Variants in CCDC117 observed in about 807,000 individuals in gnomAD.
CCDC117 encodes coiled-coil domain-containing protein 117.
CCDC117 carries 1 observed loss-of-function variant against 23.5 expected under a neutral mutation model. The ratio of observed to expected loss-of-function variants is 0.04; its 90% CI spans 0.02 to 0.20. CCDC117 has a LOEUF of 0.20. Ranked by LOEUF, CCDC117 falls within the 10% of genes least tolerant of loss-of-function variation. CCDC117 has a pLI of 1.00. For missense variants in CCDC117, 383 were observed against 348.2 expected, an observed-to-expected ratio of 1.10 and a Z score of -0.80; for synonymous variants, 132 against 124.8, an observed-to-expected ratio of 1.06 and a Z score of -0.39.
intron 3 of CCDC117, among the ~76,000 whole-genome samples, chr22:28,782,546 C>G (rs2031380858): frequency 6.6e-6 from 1 of 152,164 alleles, no homozygotes; most frequent in South Asian, 2.1e-4. Context: ...TCAGGCGATT[C>G]TCCTGCCTCA....
At chr22:28,784,390 T>C (rs1188954376) in intron 4 of CCDC117, among the ~76,000 whole-genome samples, 1 of 152,264 alleles carries the variant, frequency 6.6e-6, no homozygotes, top group East Asian at 1.9e-4. Context: ...AAATTGTCAT[T>C]ATTCACTATG....
chr22:28,775,903 A>C lies in CCDC117; in HGVS notation c.239+2125A>C, dbSNP rs778832458. 3.9e-4 allele frequency among the ~76,000 whole-genome samples: 59 copies of C among 152,282 alleles called. 1 individual carries two copies. In the Middle Eastern group the frequency reaches 0.01, roughly 26 times the overall value. ...CAAAGTGAGACTGTCCCAAAAAAAG[A>C]AAAGTAAAAAGGTTTCCCAAAGATA... On this transcript the variant is annotated intron_variant, in intron 2 of 4. Coordinates refer to ENST00000249064, the MANE Select transcript of CCDC117 (RefSeq NM_173510.4).
chr22:28,781,117 A>C lies in CCDC117; in HGVS notation c.409A>C (p.Thr137Pro), dbSNP rs757230364. 14 of 1,614,018 alleles carry C rather than the reference A, an allele frequency of 8.7e-6. No homozygotes were observed. The highest frequency in any genetic ancestry group is 5.0e-5 in the Admixed American group (3 of 59,960). The change falls in exon 3 of 5, where the codon ACT becomes CCT. Residue 137 changes from threonine (T) to proline (P), a missense_variant. Physicochemically the swap from Thr to Pro is conservative, Grantham distance 38 (BLOSUM62 -1). Coordinates refer to ENST00000249064, the MANE Select transcript of CCDC117 (RefSeq NM_173510.4). ...DVICEEMDQT[T>P]GEPQCEVARR... ...TATTTGTGAAGAAATGGATCAGACA[A>C]CTGGAGAACCACAGTGTGAAGTTGC... is the stretch of plus-strand genomic sequence containing the variant.
rs2031298896 is a variant in CCDC117, at chr22:28,781,009, A to T, written c.301A>T (p.Ile101Phe). The T allele has an allele frequency of 6.2e-7, 1 of 1,613,946 alleles. No individual in the cohort carries two copies. Among genetic ancestry groups the T allele is most frequent in the Non-Finnish European group, 8.5e-7 (1 of 1,180,010 alleles). The change falls in exon 3 of 5, where the codon ATT becomes TTT. Residue 101 changes from isoleucine (I) to phenylalanine (F), a missense_variant. By Grantham distance (21) the Ile-to-Phe change is conservative (BLOSUM62 0). Coordinates refer to ENST00000249064, the MANE Select transcript of CCDC117 (RefSeq NM_173510.4). ...AELCAGPNDW[I>F]LCAHQDVEGH... ...GCTCTGTGCTGGTCCTAATGACTGGATTCTTTGTGCACATCAGGATGTAGA... is the reference window on the plus strand; with the variant it reads ...GCTCTGTGCTGGTCCTAATGACTGGTTTCTTTGTGCACATCAGGATGTAGA...
In CCDC117 at chr22:28,788,605, T is replaced by G. The variant is rs949535491; in HGVS notation, c.*2279T>G. ...GTAGTCAAGTTACCTGACATGATAATTATTTCTGCAGGATAATTGATGTTT... is the reference window on the plus strand; with the variant it reads ...GTAGTCAAGTTACCTGACATGATAAGTATTTCTGCAGGATAATTGATGTTT... On this transcript the variant is annotated 3_prime_UTR_variant, in exon 5 of 5. Transcript: ENST00000249064. 6 of 152,678 alleles carry G rather than the reference T, an allele frequency of 3.9e-5. 1 individual carries two copies. The highest frequency in any genetic ancestry group is 8.8e-5 in the Non-Finnish European group (6 of 68,046). 9.5% of individuals were successfully genotyped at this position (152,678 alleles called of 1,614,324 possible).
At chr22:28,775,466 G>A (rs1353491791) in intron 2 of CCDC117, among the ~76,000 whole-genome samples, 2 of 152,152 alleles carry the variant, frequency 1.3e-5, no homozygotes, top group African/African-American at 4.8e-5. Flanking sequence ...CTTAAAGTGT[G>A]TGCATTTTAA....
intron 3 of CCDC117, 57 bp downstream of exon 3, chr22:28,781,229 C>T (rs1412737129): frequency 7.3e-6 from 7 of 960,004 alleles, no homozygotes; most frequent in Non-Finnish European, 1.1e-5. Context: ...TAACTCTGCT[C>T]ATATAAGCTA....
intron 2 of CCDC117, among the ~76,000 whole-genome samples, chr22:28,774,218 C>A (rs1022674325): frequency 4.0e-5 from 6 of 151,154 alleles, no homozygotes; most frequent in African/African-American, 1.5e-4. Context: ...CAGGCGCCCG[C>A]CACCACGCCT....
In CCDC117 at chr22:28,781,335, GTTTTTTTTTT is replaced by G. The variant is rs1179781447; in HGVS notation, c.464+187_464+196del. 6.9e-3 allele frequency among the ~76,000 whole-genome samples: 102 copies of G among 14,808 alleles called. 1 individual carries two copies. The highest frequency in any genetic ancestry group is 8.9e-3 in the Non-Finnish European group (90 of 10,096). The allele number at this position is 14,808 out of a possible 152,430, so 9.7% of individuals were successfully genotyped here. On this transcript the variant is annotated intron_variant, in intron 3 of 4. Coordinates refer to ENST00000249064, the MANE Select transcript of CCDC117 (RefSeq NM_173510.4). ...GTATTCGTTTTTGTTTTTTTGTTTT[GTTTTTTTTTT>G]TTTTTTTTTTTTTTTTTTTTTTTGA...
At position 28,773,775 on chromosome 22, in the gene CCDC117, A is replaced by T. The variant is rs765515000; in HGVS notation, c.236A>T (p.Asp79Val). 6.2e-7 allele frequency: 1 copy of T among 1,613,356 alleles called. No individual in the cohort carries two copies. The highest frequency in any genetic ancestry group is 8.5e-7 in the Non-Finnish European group (1 of 1,179,248). ...KKHKREEEED[D>V]DCPVRKKRIT... Reference sequence around the variant, plus strand: ...CACAAGCGAGAGGAGGAGGAGGATGATGAGTAAGTTTCAGTGGTTGTTTAT... The same window carrying T: ...CACAAGCGAGAGGAGGAGGAGGATGTTGAGTAAGTTTCAGTGGTTGTTTAT... Residue 79 changes from aspartate to valine, a missense_variant, in exon 2 of 5, where the codon GAT becomes GTT. By Grantham distance (152) the Asp-to-Val change is radical. Transcript: ENST00000249064.
At chr22:28,783,241 A>T (rs186322466) in intron 3 of CCDC117, among the ~76,000 whole-genome samples, 36 of 151,968 alleles carry the variant, frequency 2.4e-4, no homozygotes, top group Non-Finnish European at 5.9e-5. Context: ...GGGTTTCACC[A>T]TGTTGGCCAG....
At chr22:28,775,760 G>A (rs913008702) in intron 2 of CCDC117, among the ~76,000 whole-genome samples, 1 of 151,832 alleles carries the variant, frequency 6.6e-6, no homozygotes, top group African/African-American at 2.4e-5. Flanking sequence ...AGCCAGGTGC[G>A]GTGGCAGGTG....
Position 28,787,308 on chromosome 22 carries a change from T to C in CCDC117, c.*982T>C, listed in dbSNP as rs1414141966. The C allele has an allele frequency of 6.6e-6, 1 of 152,042 alleles. No homozygotes were observed. Among genetic ancestry groups the C allele is most frequent in the Non-Finnish European group, 1.5e-5 (1 of 68,022 alleles). 9.4% of individuals were successfully genotyped at this position (152,042 alleles called of 1,614,324 possible). On this transcript the variant is annotated 3_prime_UTR_variant, in exon 5 of 5. Transcript: ENST00000249064. Reference sequence around the variant, plus strand: ...GTGCCCACCTCCACGCCCAGCTAATTTTTGTATTTTTAATAGAGACCGGTT... The same window carrying C: ...GTGCCCACCTCCACGCCCAGCTAATCTTTGTATTTTTAATAGAGACCGGTT...
At chr22:28,776,751 A>T (rs1014526082) in intron 2 of CCDC117, among the ~76,000 whole-genome samples, 1 of 151,156 alleles carries the variant, frequency 6.6e-6, no homozygotes, top group Non-Finnish European at 1.5e-5. Context: ...TGCTTGGCTA[A>T]TTTTGCATTT....
intron 2 of CCDC117, among the ~76,000 whole-genome samples, chr22:28,777,352 T>C (rs537678651): frequency 1.7e-4 from 26 of 149,780 alleles, no homozygotes; most frequent in African/African-American, 4.7e-4. Flanking sequence ...TCTTAAATTA[T>C]ATTGTCATCA....
chr22:28,784,445 T>C (rs1314498151), intron 4 of CCDC117, among the ~76,000 whole-genome samples: 2 of 152,248 alleles, frequency 1.3e-5, no homozygotes, highest in Non-Finnish European at 2.9e-5. Flanking sequence ...GGAAAGACTT[T>C]AGATCGAGTT....
chr22:28,781,170 C>T lies in CCDC117; in HGVS notation c.462C>T (p.Asp154=), dbSNP rs151049770. ...VARRKLQEIE[D]RIIDEDEEVE... ...GAAGGAAGCTTCAGGAGATTGAGGA[C>T]AGGTAAATGGGCAGTGTATATAGCT... Residue 154 remains aspartate (D), a splice_region_variant and synonymous_variant, in exon 3 of 5, where the codon GAC becomes GAT. Transcript: ENST00000249064. 2.2e-4 allele frequency: 347 copies of T among 1,600,056 alleles called. No individual in the cohort carries two copies. The highest frequency in any genetic ancestry group is 2.8e-4 in the Non-Finnish European group (332 of 1,167,946).
intron 3 of CCDC117, among the ~76,000 whole-genome samples, chr22:28,781,736 C>T (rs1001422757): frequency 1.3e-5 from 2 of 152,006 alleles, no homozygotes; most frequent in Non-Finnish European, 2.9e-5. Flanking sequence ...CTCCACCTCC[C>T]GGGTTCAAGT....
intron 2 of CCDC117, 108 bp downstream of exon 2, chr22:28,773,886 G>C (rs1017952104): frequency 3.8e-5 from 32 of 841,098 alleles, no homozygotes; most frequent in African/African-American, 1.4e-4. Context: ...AGTGTCTCTG[G>C]AAAGAGACAC....
Sources: gnomAD v4.1 joint callset for allele counts (sites outside exome capture counted in the v4.1 genomes callset) on GRCh38, gnomAD v4.1.1 for gene constraint, MANE v1.5 for transcripts, NCBI Gene and HGNC (gene_info 2026-07-23, HGNC 2026-07-21) for gene names.